Variants in SLC4A4 observed in about 807,000 individuals in gnomAD.
SLC4A4 encodes the protein electrogenic sodium bicarbonate cotransporter 1.
SLC4A4 carries 27 observed loss-of-function variants against 111.5 expected under a neutral mutation model. The observed-to-expected ratio is 0.24, with a 90% CI of 0.18 to 0.33. SLC4A4 has a LOEUF of 0.33. Among genes scored for constraint, SLC4A4 ranks in the 10% least tolerant of loss-of-function variants. The probability of loss-of-function intolerance (pLI) is 1.00; values close to 1 mark genes in which losing one functional copy is unlikely to be tolerated. For synonymous variants in SLC4A4, 443 were observed against 463.4 expected (o/e 0.96, Z 0.57); for missense variants, 909 against 1,315.5 (o/e 0.69, Z 4.78).
At chr4:71,426,797 A>G (rs1358333255) in intron 7 of SLC4A4, among the ~76,000 whole-genome samples, 6 of 152,276 alleles carry the variant, frequency 3.9e-5, no homozygotes, top group African/African-American at 1.2e-4. Context: ...AAAGGCAGGA[A>G]GATACCAACT....
chr4:71,377,872 A>C (rs1353810738), intron 6 of SLC4A4, among the ~76,000 whole-genome samples: 1 of 152,204 alleles, frequency 6.6e-6, no homozygotes, highest in African/African-American at 2.4e-5. Flanking sequence ...CATACCCAAA[A>C]CTGGGAAGAA....
intron 2 of SLC4A4, among the ~76,000 whole-genome samples, chr4:71,126,497 G>A (rs1336761142): frequency 1.3e-5 from 2 of 152,152 alleles, no homozygotes; most frequent in African/African-American, 4.8e-5. Flanking sequence ...GACATCCTAA[G>A]ATGTGTTCTT....
At chr4:71,442,090 G>T (rs1235812554) in intron 8 of SLC4A4, among the ~76,000 whole-genome samples, 1 of 152,080 alleles carries the variant, frequency 6.6e-6, no homozygotes, top group East Asian at 1.9e-4. Context: ...AAAAAAACAT[G>T]CCCAGAAGTG....
intron 16 of SLC4A4, among the ~76,000 whole-genome samples, chr4:71,503,909 T>C (rs2149162570): frequency 1.3e-5 from 2 of 152,280 alleles, no homozygotes; most frequent in South Asian, 4.1e-4. Context: ...GAAAGATCTT[T>C]ATTATAGCTT....
At chr4:71,101,187 A>C (rs1742721465) in intron 2 of SLC4A4, among the ~76,000 whole-genome samples, 1 of 152,216 alleles carries the variant, frequency 6.6e-6, no homozygotes. Context: ...TGAACGCAAG[A>C]AGTGGAGCTT....
chr4:71,078,360 C>T (rs1008058838), intron 1 of SLC4A4, among the ~76,000 whole-genome samples: 1 of 151,958 alleles, frequency 6.6e-6, no homozygotes, highest in African/African-American at 2.4e-5. Context: ...TTTAGGAAGA[C>T]ACATGTACAT....
chr4:71,158,402 C>T (rs1158021888), intron 2 of SLC4A4, among the ~76,000 whole-genome samples: 1 of 152,176 alleles, frequency 6.6e-6, no homozygotes, highest in East Asian at 1.9e-4. Context: ...ATCAACACCA[C>T]TGATCCTCTG....
chr4:71,224,509 C>A (rs987885308), intron 1 of SLC4A4, among the ~76,000 whole-genome samples: 2 of 152,096 alleles, frequency 1.3e-5, no homozygotes, highest in African/African-American at 4.8e-5. Context: ...CTCTGTATTT[C>A]AGATATGATG....
In SLC4A4 at chr4:71,338,653, C is replaced by T. The variant is rs567836209; in HGVS notation, c.254-717C>T. On this transcript the variant is annotated intron_variant, in intron 3 of 25. Coordinates refer to ENST00000264485, the MANE Select transcript of SLC4A4 (RefSeq NM_001098484.3). ...TTGCATGATTTTCAGGAGATAGGGTCAAAAGGAGCTAGTAGGGCATTCAAT... is the reference window on the plus strand; with the variant it reads ...TTGCATGATTTTCAGGAGATAGGGTTAAAAGGAGCTAGTAGGGCATTCAAT... 2.7e-5 allele frequency among the ~76,000 whole-genome samples: 4 copies of T among 148,954 alleles called. No individual in the cohort carries two copies. The East Asian group carries it at 7.8e-4, about 29-fold the overall frequency.
chr4:71,285,928 A>G (rs1213635831), intron 3 of SLC4A4, among the ~76,000 whole-genome samples: 1 of 152,150 alleles, frequency 6.6e-6, no homozygotes, highest in Non-Finnish European at 1.5e-5. Flanking sequence ...TGGAATCACT[A>G]GGAGGTCTTG....
intron 20 of SLC4A4, 117 bp downstream of exon 20, chr4:71,547,837 C>T: frequency 2.3e-6 from 2 of 880,720 alleles, no homozygotes; most frequent in South Asian, 1.3e-5. Context: ...CTGTAACACA[C>T]TGAAGCAGGG....
chr4:71,276,088 C>T lies in SLC4A4; in HGVS notation c.253+20689C>T, dbSNP rs375364985. Among the ~76,000 whole-genome samples the T allele has an allele frequency of 8.5e-5, 13 of 152,342 alleles. 1 individual carries two copies. In the South Asian group the frequency reaches 1.2e-3, roughly 15 times the overall value. ...AAAGAAGGGGAGACAGTATGGCAGT[C>T]ATTCTGGAGTAATCCTGCAGCACTA... On this transcript the variant is annotated intron_variant, in intron 3 of 25. Transcript: ENST00000264485.
chr4:71,314,679 A>G (rs1726523508), intron 3 of SLC4A4, among the ~76,000 whole-genome samples: 1 of 152,174 alleles, frequency 6.6e-6, no homozygotes, highest in Admixed American at 6.5e-5. Context: ...AGAAGACCCA[A>G]CACTGCATAT....
At chr4:71,257,685 C>CTATG (rs1463822219) in intron 3 of SLC4A4, among the ~76,000 whole-genome samples, 1 of 152,172 alleles carries the variant, frequency 6.6e-6, no homozygotes, top group Non-Finnish European at 1.5e-5. Flanking sequence ...GTTCTGTGAC[C>CTATG]TATGGTGTTT....
intron 7 of SLC4A4, among the ~76,000 whole-genome samples, chr4:71,418,066 TA>T (rs1010023753): frequency 7.2e-5 from 11 of 152,184 alleles, no homozygotes; most frequent in Admixed American, 3.9e-4. Flanking sequence ...ACAATTTTTT[TA>T]AAAAAATAAT....
intron 14 of SLC4A4, among the ~76,000 whole-genome samples, chr4:71,481,824 A>C (rs1382653049): frequency 6.6e-6 from 1 of 151,716 alleles, no homozygotes; most frequent in Non-Finnish European, 1.5e-5. Context: ...ATGAAAATCC[A>C]AGTATGGAAA....
At chr4:71,171,712 A>G (rs944052365) in intron 2 of SLC4A4, among the ~76,000 whole-genome samples, 9 of 152,308 alleles carry the variant, frequency 5.9e-5, no homozygotes, top group African/African-American at 2.2e-4. Flanking sequence ...CCTAGTATGT[A>G]AATTTTCTTT....
intron 14 of SLC4A4, among the ~76,000 whole-genome samples, chr4:71,482,791 A>G (rs1327217865): frequency 2.6e-5 from 4 of 151,546 alleles, no homozygotes; most frequent in Non-Finnish European, 4.4e-5. Context: ...GGCAAGTACT[A>G]TCTCATCTTG....
chr4:71,500,588 G>A (rs915552581), intron 16 of SLC4A4, among the ~76,000 whole-genome samples: 8 of 152,104 alleles, frequency 5.3e-5, no homozygotes, highest in African/African-American at 9.7e-5. Context: ...CCAAAGTGCC[G>A]GGATTACAGG....
Sources: gnomAD v4.1 joint callset for allele counts (sites outside exome capture counted in the v4.1 genomes callset) on GRCh38, gnomAD v4.1.1 for gene constraint, MANE v1.5 for transcripts, NCBI Gene and HGNC (gene_info 2026-07-23, HGNC 2026-07-21) for gene names.